SPEG: variants seen among roughly 807,000 people sequenced by gnomAD.
SPEG encodes the protein striated muscle preferentially expressed protein kinase.
SPEG carries 114 observed loss-of-function variants against 300.4 expected under a neutral mutation model. The observed-to-expected ratio is 0.38, with a 90% CI of 0.33 to 0.44. The LOEUF (loss-of-function observed/expected upper bound fraction) is 0.44. SPEG is among the 20% of genes least tolerant of loss of function. The pLI is 1.00. For synonymous variants in SPEG, 1,964 were observed against 2,018.9 expected (o/e 0.97, Z 0.73); for missense variants, 4,201 against 4,586.2 (o/e 0.92, Z 2.43).
In SPEG at chr2:219,445,258, C is replaced by A; in HGVS notation, c.815+97C>A. 1 of 1,138,600 alleles carries A rather than the reference C, an allele frequency of 8.8e-7. No homozygotes were observed. Among genetic ancestry groups the A allele is most frequent in the Non-Finnish European group, 1.3e-6 (1 of 777,746 alleles). 70.5% of individuals were successfully genotyped at this position (1,138,600 alleles called of 1,614,324 possible). On this transcript the variant is annotated intron_variant, in intron 3 of 40. Coordinates refer to ENST00000312358, the MANE Select transcript of SPEG (RefSeq NM_005876.5). This position sits in a 1 kb window ranked among gnomAD's most constrained non-coding sequence, Gnocchi z 6.1. ...AGTCAGCCTCCACCCATCACCCTGC[C>A]CCATCCATCTCTCTGTGCATTTCTT...
intron 9 of SPEG, chr2:219,465,928 CGT>C (rs1691277209): frequency 6.6e-5 from 15 of 227,554 alleles, no homozygotes; most frequent in East Asian, 1.2e-4. Flanking sequence ...TGTGTGCGCG[CGT>C]GTGCGTGCAC....
Position 219,443,287 on chromosome 2 carries a change from C to G in SPEG, c.389-1366C>G. On this transcript the variant is annotated intron_variant, in intron 1 of 40. Transcript: ENST00000312358. This position sits in a 1 kb window ranked among gnomAD's most constrained non-coding sequence, Gnocchi z 4.6. ...TCCCACTCACCCCCACACTTATCTA[C>G]CACCCACCCGACCAGGCCCCCTGTG... 4.4e-6 allele frequency: 4 copies of G among 919,054 alleles called. No individual in the cohort carries two copies. The Admixed American group carries it at 6.9e-5, about 16-fold the overall frequency. 56.9% of individuals were successfully genotyped at this position (919,054 alleles called of 1,614,324 possible). A position where few individuals can be genotyped will look rare whatever the true frequency, so the allele number is the denominator to read the frequency against.
At chr2:219,452,968 C>T (rs1449073157) in intron 6 of SPEG, among the ~76,000 whole-genome samples, 1 of 152,216 alleles carries the variant, frequency 6.6e-6, no homozygotes, top group Non-Finnish European at 1.5e-5. Flanking sequence ...TCCTCCTTAG[C>T]TGCATATCCC....
At chr2:219,440,109 G>A (rs1255513056) in intron 1 of SPEG, among the ~76,000 whole-genome samples, 2 of 152,352 alleles carry the variant, frequency 1.3e-5, no homozygotes, top group African/African-American at 4.8e-5. Flanking sequence ...GCAGCCAGGT[G>A]CGGTGGCTCA....
At position 219,490,865 on chromosome 2, in the gene SPEG, C is replaced by T; in HGVS notation, c.9294C>T (p.Ala3098=). Reference sequence around the variant, plus strand: ...ACCTGCTGCTGGCCCCTGACAATGCCCTCAAGATTGTGGACTTTGGCAGTG... The same window carrying T: ...ACCTGCTGCTGGCCCCTGACAATGCTCTCAAGATTGTGGACTTTGGCAGTG... The part of the protein sequence containing the change: ...PDNLLLAPDN[A]LKIVDFGSAQ... Residue 3098 remains alanine (A), a synonymous_variant, in exon 38 of 41, where the codon GCC becomes GCT. Transcript: ENST00000312358. 6.2e-7 allele frequency: 1 copy of T among 1,614,030 alleles called. No individual in the cohort carries two copies. Among genetic ancestry groups the T allele is most frequent in the South Asian group, 1.1e-5 (1 of 91,086 alleles).
rs758394350 is a variant in SPEG, at chr2:219,472,883, C to T, written c.3941-7C>T. The T allele has an allele frequency of 1.3e-6, 2 of 1,568,756 alleles. No individual in the cohort carries two copies. Among genetic ancestry groups the T allele is most frequent in the Non-Finnish European group, 1.7e-6 (2 of 1,153,886 alleles). The stretch of plus-strand genomic sequence containing the variant: ...ACAGCAGCCTCTAGTAGCTCCTCTC[C>T]CGCCAGACCCGGACTCCCTGACGTA... On this transcript the variant is annotated splice_region_variant and splice_polypyrimidine_tract_variant and intron_variant, in intron 15 of 40. Transcript: ENST00000312358.
chr2:219,448,789 C>T lies in SPEG; in HGVS notation c.1631C>T (p.Thr544Ile), dbSNP rs1392770675. The change falls in exon 4 of 41, where the codon ACA becomes ATA. Residue 544 changes from threonine to isoleucine, a missense_variant. Transcript: ENST00000312358. ...TTCTCTCGGCCCTCCACCCCCAAGA[C>T]ATCGCGGGCCGTGAGCCCCGCCGCC... is the stretch of plus-strand genomic sequence containing the variant. ...PLFSRPSTPK[T>I]SRAVSPAAAQ... is the part of the protein sequence containing the mutation. The T allele has an allele frequency of 1.1e-5, 15 of 1,411,180 alleles. No homozygotes were observed. The allele number at this position is 1,411,180 out of a possible 1,614,324, so 87.4% of individuals were successfully genotyped here.
In SPEG at chr2:219,477,557, A is replaced by G; in HGVS notation, c.4729+112A>G. On this transcript the variant is annotated intron_variant, in intron 20 of 40. Transcript: ENST00000312358. This position sits in a 1 kb window ranked among gnomAD's most constrained non-coding sequence, Gnocchi z 6.4. ...CCTGGACTCGAGCCACCACACCCCC[A>G]GCCCAGCACCCCGCCTTGAGCCCCC... is the stretch of plus-strand genomic sequence containing the variant. The G allele has an allele frequency of 7.3e-7, 1 of 1,373,630 alleles. No homozygotes were observed. 85.1% of individuals were successfully genotyped at this position (1,373,630 alleles called of 1,614,324 possible).
rs755116060 is a variant in SPEG at position 219,468,844 on chromosome 2, C to T, written c.3302-15C>T. ...CACTGTGCCTGCTCTGCATTCCCAC[C>T]CCTCCTTTCTGCAGGCTGCCCCATG... On this transcript the variant is annotated splice_polypyrimidine_tract_variant and intron_variant, in intron 11 of 40. Coordinates refer to ENST00000312358, the MANE Select transcript of SPEG (RefSeq NM_005876.5). 301 of 1,609,548 alleles carry T rather than the reference C, an allele frequency of 1.9e-4. No homozygotes were observed. Among genetic ancestry groups the T allele is most frequent in the Non-Finnish European group, 2.5e-4 (290 of 1,177,224 alleles).
At chr2:219,485,317 C>T in intron 30 of SPEG, 29 bp from the exon 31 acceptor site, 1 of 1,595,810 alleles carries the variant, frequency 6.3e-7, no homozygotes, top group Non-Finnish European at 8.5e-7. Flanking sequence ...ACTGACTGAA[C>T]AAATACTCAC....
rs1393214536 is a variant in SPEG at position 219,449,150 on chromosome 2, T to G, written c.1992T>G (p.Pro664=). The change falls in exon 4 of 41, where the codon CCT becomes CCG. Residue 664 remains proline, a synonymous_variant. Transcript: ENST00000312358. ...PQTLEKNRAG[P]EAEKRLRRGP... ...CCTTGGAGAAGAACAGGGCGGGGCC[T>G]GAGGCAGAGAAGAGGCTTCGCAGAG... The G allele has an allele frequency of 7.0e-7, 1 of 1,429,202 alleles. No individual in the cohort carries two copies. The highest frequency in any genetic ancestry group is 9.2e-7 in the Non-Finnish European group (1 of 1,091,346). 88.5% of individuals were successfully genotyped at this position (1,429,202 alleles called of 1,614,324 possible). A position where few individuals can be genotyped will look rare whatever the true frequency, so the allele number is the denominator to read the frequency against.
chr2:219,437,888 C>G (rs753705393), intron 1 of SPEG, among the ~76,000 whole-genome samples: 5 of 152,170 alleles, frequency 3.3e-5, no homozygotes, highest in African/African-American at 1.2e-4. Context: ...TTGGAAACAA[C>G]AGCAGGAGGA....
Position 219,489,558 on chromosome 2 carries a change from G to A in SPEG, c.8540G>A (p.Arg2847Gln), listed in dbSNP as rs560447047. The A allele has an allele frequency of 1.4e-5, 22 of 1,610,354 alleles. No individual in the cohort carries two copies. The highest frequency in any genetic ancestry group is 8.8e-5 in the South Asian group (8 of 90,924). The change falls in exon 36 of 41, where the codon CGA (arginine) becomes CAA (glutamine). Residue 2847 changes from arginine to glutamine, a missense_variant. Physicochemically the swap from Arg to Gln is conservative, Grantham distance 43 (BLOSUM62 1). This residue lies in a region of SPEG where 1,578 missense variants were observed against 1,506.0 expected (regional missense o/e 1.05). Coordinates refer to ENST00000312358, the MANE Select transcript of SPEG (RefSeq NM_005876.5). ...AVGPPPQTPP[R>Q]RHRGLQAARP... Reference sequence around the variant, plus strand: ...GGTCCACCACCCCAAACCCCTCCACGAAGACACAGGGGCCTGCAGGCTGCC... The same window carrying A: ...GGTCCACCACCCCAAACCCCTCCACAAAGACACAGGGGCCTGCAGGCTGCC...
intron 28 of SPEG, chr2:219,482,154 G>T: frequency 5.0e-6 from 1 of 201,380 alleles, no homozygotes; most frequent in East Asian, 1.1e-4. Context: ...ACAGTGCCAG[G>T]CATTGATGGG....
chr2:219,472,128 G>T, intron 14 of SPEG, 99 bp from the exon 15 acceptor site: 1 of 1,524,504 alleles, frequency 6.6e-7, no homozygotes, highest in Non-Finnish European at 8.9e-7. Context: ...TGCCCCTGCG[G>T]CTGAGCCCCC....
intron 1 of SPEG, among the ~76,000 whole-genome samples, chr2:219,442,384 T>C (rs1455145011): frequency 1.3e-5 from 2 of 151,156 alleles, no homozygotes; most frequent in Admixed American, 1.3e-4. Flanking sequence ...GCCCACTTGC[T>C]TCTTTGCCAC....
Position 219,492,209 on chromosome 2 carries a change from C to T in SPEG, c.9560C>T (p.Thr3187Ile). The T allele has an allele frequency of 6.2e-7, 1 of 1,613,768 alleles. No homozygotes were observed. The highest frequency in any genetic ancestry group is 1.1e-5 in the South Asian group (1 of 91,078). ...RFDAFQLYPN[T>I]SQSATLFLRK... is the part of the protein sequence containing the mutation. ...GATGCCTTCCAGCTGTACCCCAATA[C>T]ATCCCAGAGCGCCACCCTCTTCTTG... Residue 3187 changes from threonine (T) to isoleucine (I), a missense_variant, in exon 40 of 41, where the codon ACA becomes ATA. Thr to Ile is a moderately conservative substitution (Grantham distance 89). This residue lies in a region of SPEG where 318 missense variants were observed against 429.5 expected (regional missense o/e 0.74). Transcript: ENST00000312358.
intron 3 of SPEG, among the ~76,000 whole-genome samples, chr2:219,446,366 G>T (rs993908193): frequency 6.6e-6 from 1 of 152,132 alleles, no homozygotes; most frequent in Non-Finnish European, 1.5e-5. Flanking sequence ...CAGAGCTGCC[G>T]GCAAGAGGCC....
Position 219,439,077 on chromosome 2 carries a change from C to A in SPEG, c.388+3712C>A, listed in dbSNP as rs1954790575. 6.6e-6 allele frequency among the ~76,000 whole-genome samples: 1 copy of A among 152,136 alleles called. No homozygotes were observed. Among genetic ancestry groups the A allele is most frequent in the African/African-American group, 2.4e-5 (1 of 41,422 alleles). On this transcript the variant is annotated intron_variant, in intron 1 of 40. Coordinates refer to ENST00000312358, the MANE Select transcript of SPEG (RefSeq NM_005876.5). The surrounding 1 kb of genome is among the most constrained non-coding windows in gnomAD (Gnocchi z 4.5). Reference sequence around the variant, plus strand: ...AGGCCAGAGTGGGAGCAGAGAGGAGCTCTGGGACCCTCTCCAGGGGAATCC... The same window carrying A: ...AGGCCAGAGTGGGAGCAGAGAGGAGATCTGGGACCCTCTCCAGGGGAATCC...
Sources: gnomAD v4.1 joint callset for allele counts (sites outside exome capture counted in the v4.1 genomes callset) on GRCh38, gnomAD v4.1.1 for gene constraint, gnomAD v4.1.1 regional missense constraint, Gnocchi (gnomAD v3.1) non-coding constraint, MANE v1.5 for transcripts, NCBI Gene and HGNC (gene_info 2026-07-23, HGNC 2026-07-21) for gene names.